FA2H: variants seen among roughly 807,000 people sequenced by gnomAD.
FA2H encodes fatty acid alpha-hydroxylase.
FA2H carries 22 observed loss-of-function variants against 44.9 expected under a neutral mutation model. That is an observed-to-expected ratio of 0.49 (90% CI 0.35 to 0.70). The LOEUF is 0.70. Among genes scored for constraint, FA2H ranks in the 30% least tolerant of loss-of-function variants. FA2H has a pLI of 0.01. For missense variants in FA2H, 501 were observed against 504.9 expected (o/e 0.99, Z 0.07); for synonymous variants, 243 against 213.2 (o/e 1.14, Z -1.22).
chr16:74,770,622 T>C (rs912632807), intron 1 of FA2H, among the ~76,000 whole-genome samples: 3 of 152,170 alleles, frequency 2.0e-5, no homozygotes, highest in East Asian at 1.9e-4. Flanking sequence ...CCACCCACCT[T>C]GGCCTCCCAA....
intron 2 of FA2H, among the ~76,000 whole-genome samples, chr16:74,728,780 CTTTTTTTTT>C (rs935652907): frequency 8.8e-6 from 1 of 113,956 alleles, no homozygotes; most frequent in Admixed American, 9.4e-5. Flanking sequence ...TTATCTCTTT[CTTTTTTTTT>C]TTTTTTTTTT....
intron 1 of FA2H, among the ~76,000 whole-genome samples, chr16:74,770,115 A>T (rs1962879750): frequency 6.6e-6 from 1 of 152,200 alleles, no homozygotes; most frequent in Admixed American, 6.5e-5. Flanking sequence ...TTCAGAAACG[A>T]GCCCCAAACA....
intron 1 of FA2H, 53 bp from the exon 2 acceptor site, chr16:74,740,168 A>T (rs1962263267): frequency 6.8e-7 from 1 of 1,464,590 alleles, no homozygotes; most frequent in African/African-American, 1.4e-5. Context: ...GGAAGAGGGC[A>T]GAGCCCCGAG....
At chr16:74,771,535 C>A (rs1962906321) in intron 1 of FA2H, among the ~76,000 whole-genome samples, 1 of 152,000 alleles carries the variant, frequency 6.6e-6, no homozygotes, top group African/African-American at 2.4e-5. Flanking sequence ...AGCGTTTCAC[C>A]ATGTTGGCCA....
chr16:74,754,819 C>T (rs188765789), intron 1 of FA2H, among the ~76,000 whole-genome samples: 69 of 151,944 alleles, frequency 4.5e-4, no homozygotes, highest in African/African-American at 1.4e-3. Context: ...TGAGCCACCA[C>T]CCCTGGTCAG....
chr16:74,716,449 T>C lies in FA2H; in HGVS notation c.937A>G (p.Met313Val). Residue 313 changes from methionine to valine, a missense_variant, in exon 6 of 7, where the codon ATG becomes GTG. Transcript: ENST00000219368. ...CCAAAGTGCAGGTAGTAATGGGTCATGTCATAGAGGACGTAGCCCAGGAGG... is the reference window on the plus strand; with the variant it reads ...CCAAAGTGCAGGTAGTAATGGGTCACGTCATAGAGGACGTAGCCCAGGAGG... ...GGLLGYVLYD[M>V]THYYLHFGSP... is the part of the protein sequence containing the mutation. The C allele has an allele frequency of 6.2e-7, 1 of 1,614,008 alleles. No individual in the cohort carries two copies. Among genetic ancestry groups the C allele is most frequent in the Non-Finnish European group, 8.5e-7 (1 of 1,180,014 alleles).
At chr16:74,749,250 T>C (rs966922571) in intron 1 of FA2H, among the ~76,000 whole-genome samples, 2 of 152,230 alleles carry the variant, frequency 1.3e-5, no homozygotes, top group Non-Finnish European at 2.9e-5. Flanking sequence ...TCTGCCTTTC[T>C]AGATCCAATC....
chr16:74,761,151 C>G (rs536322280), intron 1 of FA2H, among the ~76,000 whole-genome samples: 4 of 152,214 alleles, frequency 2.6e-5, no homozygotes, highest in African/African-American at 7.2e-5. Flanking sequence ...TGGAAAAATA[C>G]TTTGAAAAAT....
intron 1 of FA2H, among the ~76,000 whole-genome samples, chr16:74,744,639 A>G (rs1407615231): frequency 6.6e-6 from 1 of 151,694 alleles, no homozygotes; most frequent in Admixed American, 6.6e-5. Context: ...TTTTGTAGAG[A>G]TGGGGTCTTG....
chr16:74,758,625 G>A (rs1237362987), intron 1 of FA2H, among the ~76,000 whole-genome samples: 1 of 151,902 alleles, frequency 6.6e-6, no homozygotes, highest in African/African-American at 2.4e-5. Flanking sequence ...AATTAATGTC[G>A]ATTAGAATGA....
chr16:74,722,177 A>G (rs1280145143), intron 4 of FA2H, among the ~76,000 whole-genome samples: 1 of 149,022 alleles, frequency 6.7e-6, no homozygotes, highest in Non-Finnish European at 1.5e-5. Context: ...TCTTCTGCTC[A>G]TCTTTCTGAG....
intron 1 of FA2H, among the ~76,000 whole-genome samples, chr16:74,767,966 G>A (rs1962839204): frequency 2.6e-5 from 4 of 152,182 alleles, no homozygotes. Context: ...ACCACCGGGT[G>A]GAGGAAGGCG....
chr16:74,716,730 G>C (rs892417434), intron 5 of FA2H, 131 bp from the exon 6 acceptor site: 2 of 1,077,522 alleles, frequency 1.9e-6, no homozygotes, highest in South Asian at 1.7e-5. Context: ...TGGCACCTTT[G>C]GTGGCTTTGG....
At chr16:74,754,689 G>T (rs184872357) in intron 1 of FA2H, among the ~76,000 whole-genome samples, 1 of 151,818 alleles carries the variant, frequency 6.6e-6, no homozygotes, top group Non-Finnish European at 1.5e-5. Flanking sequence ...CACCACATCC[G>T]GGTAATTTTT....
rs115908365 is a variant in FA2H, at chr16:74,720,662, G to A, written c.614-1502C>T. The stretch of plus-strand genomic sequence containing the variant: ...AGTACACTCACAAAGTTGTTAAACC[G>A]TCACCCCAGTCAATTTTACAACATT... On this transcript the variant is annotated intron_variant, in intron 4 of 6. Coordinates refer to ENST00000219368, the MANE Select transcript of FA2H (RefSeq NM_024306.5). Among the ~76,000 whole-genome samples the A allele has an allele frequency of 5.4e-3, 814 of 152,078 alleles. 6 individuals are homozygous for A. Among genetic ancestry groups the A allele is most frequent in the African/African-American group, 0.019 (768 of 41,480 alleles).
intron 1 of FA2H, among the ~76,000 whole-genome samples, chr16:74,763,447 G>A (rs1418660300): frequency 2.0e-5 from 3 of 152,062 alleles, no homozygotes; most frequent in Admixed American, 6.6e-5. Flanking sequence ...TAGTAGAGAC[G>A]AGGTCTCACC....
At chr16:74,724,075 T>G (rs1048797738) in intron 4 of FA2H, among the ~76,000 whole-genome samples, 2 of 152,058 alleles carry the variant, frequency 1.3e-5, no homozygotes, top group East Asian at 1.9e-4. Context: ...CTAATTTTTA[T>G]ATTTTTAGTA....
At chr16:74,756,755 G>T (rs983224921) in intron 1 of FA2H, among the ~76,000 whole-genome samples, 1 of 152,010 alleles carries the variant, frequency 6.6e-6, no homozygotes, top group South Asian at 2.1e-4. Context: ...AGTGGAAAAA[G>T]ATAGATCATT....
chr16:74,713,870 T>G lies in FA2H; in HGVS notation c.*320A>C. ...ACACAGGTGGCCACGAGGGCTCAGT[T>G]TTCTTCATTTCCCCTTGCGGCTGCT... On this transcript the variant is annotated 3_prime_UTR_variant, in exon 7 of 7. Transcript: ENST00000219368. 2.8e-6 allele frequency: 1 copy of G among 358,250 alleles called. No homozygotes were observed. Among genetic ancestry groups the G allele is most frequent in the Non-Finnish European group, 5.3e-6 (1 of 190,380 alleles). 22.2% of individuals were successfully genotyped at this position (358,250 alleles called of 1,614,324 possible). A position where few individuals can be genotyped will look rare whatever the true frequency, so the allele number is the denominator to read the frequency against.
Sources: allele counts gnomAD v4.1 joint callset (sites outside exome capture counted in the v4.1 genomes callset), GRCh38; gene constraint gnomAD v4.1.1; transcripts MANE v1.5; gene names NCBI Gene and HGNC (gene_info 2026-07-23, HGNC 2026-07-21).